The following ABCA13 variants were observed in gnomAD, a reference collection of about 807,000 sequenced individuals.
ABCA13 encodes ATP-binding cassette sub-family A member 13.
Under a neutral mutation model 478.7 loss-of-function variants are expected in ABCA13, and 476 were observed. That is an observed-to-expected ratio of 0.99 (90% CI 0.92 to 1.07). ABCA13 has a LOEUF of 1.07. ABCA13 is among the 50% of genes least tolerant of loss of function. ABCA13 has a pLI of 0.00. For missense variants in ABCA13, 6,060 were observed against 5,910.6 expected (o/e 1.03, Z -0.83); for synonymous variants, 2,252 against 2,158.9 (o/e 1.04, Z -1.20).
intron 59 of ABCA13, among the ~76,000 whole-genome samples, chr7:48,619,074 G>A (rs1319814966): frequency 6.6e-6 from 1 of 152,230 alleles, no homozygotes; most frequent in East Asian, 1.9e-4. Flanking sequence ...TGCCCACTTT[G>A]CAGAGGAAGG....
At position 48,198,379 on chromosome 7, in the gene ABCA13, T is replaced by C. The variant is rs770083989; in HGVS notation, c.287+19T>C. On this transcript the variant is annotated intron_variant, in intron 3 of 61. Coordinates refer to ENST00000435803, the MANE Select transcript of ABCA13 (RefSeq NM_152701.5). ...ATTTTCGGTAAGAGAAACACAAAGATCTTTTTCAGAAATCTCAGAAAGCTG... is the reference window on the plus strand; with the variant it reads ...ATTTTCGGTAAGAGAAACACAAAGACCTTTTTCAGAAATCTCAGAAAGCTG... 2 of 1,612,274 alleles carry C rather than the reference T, an allele frequency of 1.2e-6. No homozygotes were observed. The highest frequency in any genetic ancestry group is 1.3e-5 in the African/African-American group (1 of 75,030).
chr7:48,452,341 T>C (rs888606589), intron 42 of ABCA13, among the ~76,000 whole-genome samples: 3 of 152,190 alleles, frequency 2.0e-5, no homozygotes, highest in African/African-American at 7.2e-5. Context: ...CCACACGATA[T>C]GTTGGTGGCT....
chr7:48,591,700 A>G (rs1031115659), intron 57 of ABCA13, among the ~76,000 whole-genome samples: 1 of 151,966 alleles, frequency 6.6e-6, no homozygotes, highest in Non-Finnish European at 1.5e-5. Context: ...TGTTAAAATT[A>G]TGCCTAAGTA....
At chr7:48,331,815 C>T (rs1302018567) in intron 27 of ABCA13, among the ~76,000 whole-genome samples, 3 of 152,074 alleles carry the variant, frequency 2.0e-5, no homozygotes, top group Non-Finnish European at 4.4e-5. Flanking sequence ...GTGTATTCAT[C>T]GCCAGCACTG....
chr7:48,260,116 C>CTT (rs1477008686), intron 15 of ABCA13, among the ~76,000 whole-genome samples: 1 of 152,006 alleles, frequency 6.6e-6, no homozygotes, highest in Non-Finnish European at 1.5e-5. Flanking sequence ...TGTGTCATTT[C>CTT]AGCCATTTCA....
intron 15 of ABCA13, among the ~76,000 whole-genome samples, chr7:48,262,900 A>G (rs893302355): frequency 1.3e-5 from 2 of 152,008 alleles, no homozygotes; most frequent in Non-Finnish European, 2.9e-5. Flanking sequence ...AAATCTTTCC[A>G]TGTTGAACTT....
chr7:48,352,177 C>T lies in ABCA13; in HGVS notation c.10382-4C>T. On this transcript the variant is annotated splice_region_variant and splice_polypyrimidine_tract_variant and intron_variant, in intron 30 of 61. Coordinates refer to ENST00000435803, the MANE Select transcript of ABCA13 (RefSeq NM_152701.5). ...ATGCTTCGTTTTTCCTTTTCTGCCA[C>T]TAGGTATCATTTTCAGCAATTCCTT... 1 of 1,600,268 alleles carries T rather than the reference C, an allele frequency of 6.2e-7. No homozygotes were observed. The highest frequency in any genetic ancestry group is 1.3e-5 in the African/African-American group (1 of 74,576).
At chr7:48,331,572 T>C (rs906255407) in intron 27 of ABCA13, among the ~76,000 whole-genome samples, 1 of 152,226 alleles carries the variant, frequency 6.6e-6, no homozygotes, top group African/African-American at 2.4e-5. Flanking sequence ...AATTAACTTT[T>C]TAATTTGGAG....
chr7:48,456,808 GTT>G (rs34154306), intron 43 of ABCA13, among the ~76,000 whole-genome samples: 3 of 148,518 alleles, frequency 2.0e-5, no homozygotes, highest in East Asian at 2.0e-4. Flanking sequence ...TTATTTATTT[GTT>G]TTTTTTTTCC....
chr7:48,381,356 CACACACATACACAT>C (rs1055677792), intron 35 of ABCA13, among the ~76,000 whole-genome samples: 8 of 150,414 alleles, frequency 5.3e-5, no homozygotes, highest in African/African-American at 2.0e-4. Context: ...TGCTCTCTGT[CACACACATACACAT>C]ACACACACAC....
chr7:48,252,045 T>C (rs1187232686), intron 15 of ABCA13, among the ~76,000 whole-genome samples: 1 of 152,200 alleles, frequency 6.6e-6, no homozygotes, highest in Non-Finnish European at 1.5e-5. Flanking sequence ...TTTAACTTCT[T>C]GCATTTGTAT....
chr7:48,523,340 C>G (rs1183188416), intron 53 of ABCA13, among the ~76,000 whole-genome samples: 2 of 152,034 alleles, frequency 1.3e-5, no homozygotes, highest in Non-Finnish European at 2.9e-5. Context: ...ATACTGGGAG[C>G]TTGCCATGGA....
At chr7:48,520,555 A>ATTT (rs1832473584) in intron 53 of ABCA13, among the ~76,000 whole-genome samples, 1 of 151,980 alleles carries the variant, frequency 6.6e-6, no homozygotes, top group African/African-American at 2.4e-5. Flanking sequence ...TCTTTTTTTA[A>ATTT]AATTTTTTTT....
At chr7:48,253,524 T>C (rs1225842991) in intron 15 of ABCA13, among the ~76,000 whole-genome samples, 1 of 152,234 alleles carries the variant, frequency 6.6e-6, no homozygotes, top group Non-Finnish European at 1.5e-5. Flanking sequence ...TTGCATCTTC[T>C]TAACTGATTT....
intron 45 of ABCA13, among the ~76,000 whole-genome samples, chr7:48,480,680 A>T (rs1178543692): frequency 1.3e-5 from 2 of 152,236 alleles, no homozygotes; most frequent in Non-Finnish European, 2.9e-5. Context: ...TATCCTGCTT[A>T]TCTTCCTCCC....
chr7:48,317,503 T>C (rs1802769866), intron 27 of ABCA13, among the ~76,000 whole-genome samples: 1 of 152,168 alleles, frequency 6.6e-6, no homozygotes, highest in African/African-American at 2.4e-5. Flanking sequence ...GAGGACACTT[T>C]GGGGGTTGGG....
intron 58 of ABCA13, among the ~76,000 whole-genome samples, chr7:48,608,629 T>C (rs1791713989): frequency 6.6e-6 from 1 of 152,252 alleles, no homozygotes; most frequent in Non-Finnish European, 1.5e-5. Flanking sequence ...TCCAAATTGT[T>C]TGCATCCTCT....
At chr7:48,524,689 A>C (rs190099459) in intron 54 of ABCA13, among the ~76,000 whole-genome samples, 2 of 152,320 alleles carry the variant, frequency 1.3e-5, no homozygotes, top group Admixed American at 1.3e-4. Flanking sequence ...GTGATTGCAT[A>C]GTTTTAATTA....
intron 59 of ABCA13, among the ~76,000 whole-genome samples, chr7:48,635,195 G>A (rs1479848795): frequency 2.1e-5 from 3 of 141,804 alleles, no homozygotes; most frequent in African/African-American, 8.0e-5. Flanking sequence ...CACCCTTATG[G>A]TTGAACTTCT....
Sources: allele counts gnomAD v4.1 joint callset (sites outside exome capture counted in the v4.1 genomes callset), GRCh38; gene constraint gnomAD v4.1.1; transcripts MANE v1.5; gene names NCBI Gene and HGNC (gene_info 2026-07-23, HGNC 2026-07-21).